Variants in STIM1 observed in about 807,000 individuals in gnomAD.
STIM1 encodes stromal interaction molecule 1.
In STIM1, 25 loss-of-function variants were observed where a neutral mutation model predicts 74.7. The ratio of observed to expected loss-of-function variants is 0.33; its 90% CI spans 0.24 to 0.47. The LOEUF (loss-of-function observed/expected upper bound fraction) is 0.47. Ranked by LOEUF, STIM1 falls within the 20% of genes least tolerant of loss-of-function variation. The probability of loss-of-function intolerance (pLI) is 1.00; values close to 1 mark genes in which losing one functional copy is unlikely to be tolerated. For synonymous variants in STIM1, 328 were observed against 348.8 expected, an observed-to-expected ratio of 0.94 and a Z score of 0.66; for missense variants, 728 against 920.8, an observed-to-expected ratio of 0.79 and a Z score of 2.71.
intron 3 of STIM1, among the ~76,000 whole-genome samples, chr11:4,044,573 T>G (rs1590670007): frequency 6.6e-6 from 1 of 152,176 alleles, no homozygotes; most frequent in African/African-American, 2.4e-5. Flanking sequence ...CAGACTATAG[T>G]GACTCCAGGT....
intron 6 of STIM1, among the ~76,000 whole-genome samples, chr11:4,071,875 C>T (rs2094405886): frequency 6.6e-6 from 1 of 152,124 alleles, no homozygotes; most frequent in African/African-American, 2.4e-5. Flanking sequence ...AGGGTGCTGC[C>T]TCTACTGAGG....
chr11:3,883,799 T>G (rs2091606302), intron 1 of STIM1, among the ~76,000 whole-genome samples: 1 of 152,190 alleles, frequency 6.6e-6, no homozygotes, highest in South Asian at 2.1e-4. Context: ...GAAACTTGAG[T>G]ATAGACTGAA....
chr11:3,879,878 A>G (rs1590519871), intron 1 of STIM1, among the ~76,000 whole-genome samples: 1 of 152,250 alleles, frequency 6.6e-6, no homozygotes, highest in African/African-American at 2.4e-5. Context: ...CCAGATATCA[A>G]TCTTAGGTAC....
At chr11:3,942,778 A>G (rs896808381) in intron 1 of STIM1, among the ~76,000 whole-genome samples, 3 of 152,140 alleles carry the variant, frequency 2.0e-5, no homozygotes, top group African/African-American at 7.2e-5. Context: ...TTTAAGTCTC[A>G]TGTCTTAAGG....
intron 1 of STIM1, among the ~76,000 whole-genome samples, chr11:3,957,538 T>A (rs1315974582): frequency 2.6e-5 from 4 of 152,074 alleles, no homozygotes; most frequent in South Asian, 2.1e-4. Flanking sequence ...ATTACTAGGG[T>A]GAGCCACTGC....
At chr11:3,948,236 A>C (rs2093103176) in intron 1 of STIM1, among the ~76,000 whole-genome samples, 1 of 152,070 alleles carries the variant, frequency 6.6e-6, no homozygotes, top group South Asian at 2.1e-4. Context: ...TAGAGAGAGA[A>C]TAATTCTAGG....
intron 1 of STIM1, among the ~76,000 whole-genome samples, chr11:3,888,848 G>A (rs897225264): frequency 2.0e-5 from 3 of 152,052 alleles, no homozygotes; most frequent in Non-Finnish European, 2.9e-5. Context: ...CACCATGCCC[G>A]GCCGCCGTGT....
At chr11:3,887,892 C>A (rs891601299) in intron 1 of STIM1, among the ~76,000 whole-genome samples, 1 of 150,346 alleles carries the variant, frequency 6.7e-6, no homozygotes, top group East Asian at 1.9e-4. Flanking sequence ...CGCTTCAACC[C>A]GGGAGGCACG....
At chr11:3,924,485 A>G (rs2092763515) in intron 1 of STIM1, among the ~76,000 whole-genome samples, 1 of 152,192 alleles carries the variant, frequency 6.6e-6, no homozygotes, top group Non-Finnish European at 1.5e-5. Flanking sequence ...GGCGTGAGCC[A>G]CTGTGCCTGG....
chr11:3,885,714 T>A (rs1391267718), intron 1 of STIM1, among the ~76,000 whole-genome samples: 1 of 152,182 alleles, frequency 6.6e-6, no homozygotes, highest in Non-Finnish European at 1.5e-5. Context: ...CATGGCTCAC[T>A]GTAGCCTTGA....
rs2094474612 is a variant in STIM1 at position 4,083,265 on chromosome 11, A to T, written c.1241A>T (p.Gln414Leu). The T allele has an allele frequency of 6.2e-7, 1 of 1,614,022 alleles. No individual in the cohort carries two copies. The highest frequency in any genetic ancestry group is 8.5e-7 in the Non-Finnish European group (1 of 1,180,002). ...DVDHKILTAK[Q>L]ALSEVTAALR... ...AGTTCTCTTTCCTCTGTCTTCAGGC[A>T]AGCACTGAGCGAGGTGACAGCAGCA... The change falls in exon 10 of 13, where the codon CAA becomes CTA. Residue 414 changes from glutamine (Q) to leucine (L), a missense_variant and splice_region_variant. Transcript: ENST00000526596.
At chr11:3,926,566 T>G (rs2092791168) in intron 1 of STIM1, among the ~76,000 whole-genome samples, 2 of 152,208 alleles carry the variant, frequency 1.3e-5, no homozygotes, top group Non-Finnish European at 2.9e-5. Context: ...AATAAAAGTT[T>G]GTAGTATCAT....
chr11:3,946,457 C>G (rs1325562168), intron 1 of STIM1, among the ~76,000 whole-genome samples: 1 of 152,096 alleles, frequency 6.6e-6, no homozygotes, highest in Non-Finnish European at 1.5e-5. Context: ...GTGATGTTTT[C>G]TGGATATTTG....
At chr11:4,011,604 C>A (rs561167534) in intron 2 of STIM1, among the ~76,000 whole-genome samples, 1 of 151,942 alleles carries the variant, frequency 6.6e-6, no homozygotes, top group Non-Finnish European at 1.5e-5. Context: ...TGTTTAAGTT[C>A]TTTGTAGATT....
At chr11:4,080,388 T>C (rs1437218608) in intron 7 of STIM1, among the ~76,000 whole-genome samples, 1 of 152,206 alleles carries the variant, frequency 6.6e-6, no homozygotes, top group African/African-American at 2.4e-5. Flanking sequence ...GTGCATGGCA[T>C]GATATGTCTC....
intron 2 of STIM1, chr11:3,973,794 GC>G (rs532183088): frequency 7.5e-4 from 250 of 331,970 alleles, no homozygotes; most frequent in African/African-American, 4.6e-3. Context: ...GCTCACTGTA[GC>G]CTTTACCTCC....
At chr11:4,018,458 CAAAAAAAAAAAAAAA>C (rs1157096857) in intron 2 of STIM1, among the ~76,000 whole-genome samples, 1 of 20,536 alleles carries the variant, frequency 4.9e-5, no homozygotes, top group Non-Finnish European at 1.4e-4. Flanking sequence ...GACTCCGTCT[CAAAAAAAAAAAAAAA>C]AAAAAAAAAA....
At chr11:4,046,960 T>A (rs1015413490) in intron 3 of STIM1, among the ~76,000 whole-genome samples, 1 of 152,234 alleles carries the variant, frequency 6.6e-6, no homozygotes, top group African/African-American at 2.4e-5. Flanking sequence ...GCCAAATGCC[T>A]GTTTTTTGAC....
intron 2 of STIM1, among the ~76,000 whole-genome samples, chr11:3,976,942 G>A (rs1042319785): frequency 4.6e-5 from 7 of 152,066 alleles, no homozygotes; most frequent in Non-Finnish European, 5.9e-5. Flanking sequence ...CTACAGGCGC[G>A]TAGTGCCACA....
Sources: allele counts gnomAD v4.1 joint callset (sites outside exome capture counted in the v4.1 genomes callset), GRCh38; gene constraint gnomAD v4.1.1; transcripts MANE v1.5; gene names NCBI Gene and HGNC (gene_info 2026-07-23, HGNC 2026-07-21).